RYR3: variants seen among roughly 807,000 people sequenced by gnomAD.
The protein encoded by RYR3 is ryanodine receptor 3.
RYR3 carries 207 observed loss-of-function variants against 584.3 expected under a neutral mutation model. The observed-to-expected ratio is 0.35, with a 90% CI of 0.32 to 0.40. RYR3 has a LOEUF of 0.40. RYR3 is among the 10% of genes least tolerant of loss of function. The probability of loss-of-function intolerance (pLI) is 1.00; values close to 1 mark genes in which losing one functional copy is unlikely to be tolerated. For missense variants in RYR3, 5,616 were observed against 6,089.2 expected, an observed-to-expected ratio of 0.92 and a Z score of 2.59; for synonymous variants, 2,416 against 2,248.5, an observed-to-expected ratio of 1.07 and a Z score of -2.11.
intron 1 of RYR3, among the ~76,000 whole-genome samples, chr15:33,461,058 C>T (rs555297807): frequency 1.2e-4 from 18 of 150,202 alleles, no homozygotes; most frequent in African/African-American, 3.7e-4. Context: ...CATTCTCCTG[C>T]CTCAGCCTCC....
intron 16 of RYR3, among the ~76,000 whole-genome samples, chr15:33,597,525 C>T (rs140365227): frequency 1.3e-5 from 2 of 151,250 alleles, no homozygotes; most frequent in East Asian, 2.0e-4. Flanking sequence ...GCAGGAGAAC[C>T]GCTTGAACCC....
rs377236020 is a variant in RYR3, at chr15:33,563,022, A to G, written c.1146+12A>G. On this transcript the variant is annotated intron_variant, in intron 11 of 103. Transcript: ENST00000634891. ...CTCTAAAAAGAAAGGTGAGAGTCAG[A>G]ATATCTGTCTACAATTGTTTTACCC... is the stretch of plus-strand genomic sequence containing the variant. The G allele has an allele frequency of 1.2e-6, 2 of 1,602,528 alleles. No individual in the cohort carries two copies. The highest frequency in any genetic ancestry group is 2.2e-5 in the South Asian group (2 of 89,116).
chr15:33,807,788 C>T (rs1002056393), intron 70 of RYR3: 2 of 589,056 alleles, frequency 3.4e-6, no homozygotes, highest in Non-Finnish European at 6.1e-6. Flanking sequence ...AGCCAAGCCT[C>T]ACCCTAACCG....
Position 33,701,071 on chromosome 15 carries a change from C to A in RYR3, c.6474C>A (p.Asp2158Glu), listed in dbSNP as rs1386348361. 3 of 1,611,326 alleles carry A rather than the reference C, an allele frequency of 1.9e-6. No individual in the cohort carries two copies. The highest frequency in any genetic ancestry group is 2.5e-6 in the Non-Finnish European group (3 of 1,178,470). Residue 2158 changes from aspartate to glutamate, a missense_variant, in exon 42 of 104, where the codon GAC becomes GAA. Physicochemically the swap from Asp to Glu is conservative, Grantham distance 45. Around this residue, in one of 9 missense-constraint regions of RYR3, gnomAD observed 1,280 missense variants for 1,426.2 expected, o/e 0.90. Transcript: ENST00000634891. ...NELALSLEEPDLEKVVTYLAG... is the reference protein window; with the variant it reads ...NELALSLEEPELEKVVTYLAG... The stretch of plus-strand genomic sequence containing the variant: ...TAGCGCTGAGCTTAGAGGAACCAGA[C>A]CTCGAGAAGGTAACCGGCCCTTGGG...
At chr15:33,750,406 T>G in intron 57 of RYR3, 120 bp downstream of exon 57, 6 of 1,002,170 alleles carry the variant, frequency 6.0e-6, no homozygotes, top group Non-Finnish European at 8.5e-6. Flanking sequence ...AATGAGAACA[T>G]TTTTATTTTA....
chr15:33,392,101 C>G (rs2042032532), intron 1 of RYR3, among the ~76,000 whole-genome samples: 1 of 151,806 alleles, frequency 6.6e-6, no homozygotes, highest in South Asian at 2.1e-4. Context: ...TCCGTTTCCC[C>G]CATTTGATCG....
At chr15:33,727,421 C>T (rs964165909) in intron 46 of RYR3, among the ~76,000 whole-genome samples, 33 of 152,148 alleles carry the variant, frequency 2.2e-4, no homozygotes, top group South Asian at 8.3e-4. Flanking sequence ...ATAAGGGACC[C>T]GGGGTCAAAT....
chr15:33,397,603 A>G (rs2042377490), intron 1 of RYR3, among the ~76,000 whole-genome samples: 1 of 152,226 alleles, frequency 6.6e-6, no homozygotes, highest in Admixed American at 6.5e-5. Flanking sequence ...TTTAGGCAGC[A>G]TCTGTGAGCT....
At position 33,694,701 on chromosome 15, in the gene RYR3, C is replaced by A. The variant is rs185670103; in HGVS notation, c.5861-1517C>A. Among the ~76,000 whole-genome samples, 8 of 152,320 alleles carry A rather than the reference C, an allele frequency of 5.3e-5. 1 individual carries two copies. In the South Asian group the frequency reaches 1.7e-3, roughly 32 times the overall value. ...CCAGCATAGCCCTTAAATGACTTTG[C>A]CCCTAGAGGATACAGATATTATCTA... On this transcript the variant is annotated intron_variant, in intron 38 of 103. Transcript: ENST00000634891.
intron 1 of RYR3, among the ~76,000 whole-genome samples, chr15:33,422,351 G>C (rs952130187): frequency 1.2e-4 from 19 of 152,106 alleles, no homozygotes; most frequent in African/African-American, 4.3e-4. Context: ...TTAGTCTCTT[G>C]CTCATTTATT....
chr15:33,736,385 A>G (rs982187076), intron 49 of RYR3, 60 bp downstream of exon 49: 2 of 1,136,996 alleles, frequency 1.8e-6, no homozygotes, highest in Non-Finnish European at 2.6e-6. Context: ...GCCTTGTAAT[A>G]TGTGATGTCT....
chr15:33,808,755 C>A (rs115143814), intron 70 of RYR3, among the ~76,000 whole-genome samples: 4,712 of 152,228 alleles, frequency 0.031, 237 homozygotes, highest in African/African-American at 0.11. Flanking sequence ...GTGTGTGAAG[C>A]AGCTTTCCCT....
chr15:33,547,914 A>G (rs2056367332), intron 8 of RYR3, among the ~76,000 whole-genome samples: 1 of 152,156 alleles, frequency 6.6e-6, no homozygotes, highest in South Asian at 2.1e-4. Context: ...TGATATGGAT[A>G]TGGTGAGCAG....
intron 91 of RYR3, among the ~76,000 whole-genome samples, chr15:33,842,594 C>T (rs2078440431): frequency 6.6e-6 from 1 of 152,178 alleles, no homozygotes. Context: ...AGATTGGGAA[C>T]GTTACCCAGG....
At position 33,788,473 on chromosome 15, in the gene RYR3, A is replaced by C; in HGVS notation, c.9830+15A>C. The C allele has an allele frequency of 6.2e-7, 1 of 1,609,500 alleles. No homozygotes were observed. Among genetic ancestry groups the C allele is most frequent in the South Asian group, 1.1e-5 (1 of 91,036 alleles). On this transcript the variant is annotated intron_variant, in intron 67 of 103. Transcript: ENST00000634891. The stretch of plus-strand genomic sequence containing the variant: ...GACAACAACAGGTACGGAGGAGAGC[A>C]CTAGGAGCCTGTCTGCCCCTCTGTG...
chr15:33,857,277 C>T (rs2079784600), intron 98 of RYR3, among the ~76,000 whole-genome samples: 1 of 151,556 alleles, frequency 6.6e-6, no homozygotes, highest in South Asian at 2.1e-4. Flanking sequence ...CCTCAGGGGC[C>T]TCTCTGTGGC....
At chr15:33,860,096 G>C (rs12903228) in intron 100 of RYR3, among the ~76,000 whole-genome samples, 280 of 142,780 alleles carry the variant, frequency 2.0e-3, no homozygotes, top group Admixed American at 3.7e-3. Flanking sequence ...CAGTGCAGGG[G>C]AGGGGAGGGA....
At chr15:33,860,980 A>T (rs1887988694) in intron 101 of RYR3, 98 bp from the exon 102 acceptor site, 4 of 985,060 alleles carry the variant, frequency 4.1e-6, no homozygotes, top group Non-Finnish European at 6.3e-6. Flanking sequence ...ATTAGAAAGA[A>T]AGTTTTCATT....
At chr15:33,858,214 A>ATTTTTTTGAGATGGAGTTTTGC (rs2079916656) in intron 99 of RYR3, 1 of 294,936 alleles carries the variant, frequency 3.4e-6, no homozygotes, top group African/African-American at 2.1e-5. Flanking sequence ...ACATTATTTT[A>ATTTTTTTGAGATGGAGTTTTGC]TTTTTTTGAG....
Sources: allele counts gnomAD v4.1 joint callset (sites outside exome capture counted in the v4.1 genomes callset), GRCh38; gene constraint gnomAD v4.1.1; regional missense constraint gnomAD v4.1.1; transcripts MANE v1.5; gene names NCBI Gene and HGNC (gene_info 2026-07-23, HGNC 2026-07-21).